The following PPP2R3A variants were observed in gnomAD, a reference collection of about 807,000 sequenced individuals.
PPP2R3A encodes the protein protein phosphatase 2 regulatory subunit B''alpha.
A neutral mutation model predicts 106.9 loss-of-function variants in PPP2R3A; 80 were observed. The observed-to-expected ratio is 0.75, with a 90% CI of 0.62 to 0.90. The LOEUF (loss-of-function observed/expected upper bound fraction) is 0.90, where lower values mean the gene tolerates loss of function less well. PPP2R3A is among the 40% of genes least tolerant of loss of function. The pLI is 0.00. For missense variants in PPP2R3A, 1,386 were observed against 1,350.4 expected (o/e 1.03, Z -0.41); for synonymous variants, 483 against 468.3 (o/e 1.03, Z -0.41).
chr3:136,073,570 A>T (rs1164152646), intron 6 of PPP2R3A, among the ~76,000 whole-genome samples: 3 of 152,258 alleles, frequency 2.0e-5, no homozygotes, highest in Admixed American at 2.0e-4. Context: ...TGATAAAATG[A>T]TGATAATATG....
intron 3 of PPP2R3A, among the ~76,000 whole-genome samples, chr3:136,032,829 C>T (rs752080334): frequency 3.9e-5 from 6 of 152,128 alleles, no homozygotes; most frequent in Admixed American, 6.5e-5. Context: ...CCACCACACC[C>T]GGCCGACTTC....
At chr3:136,088,220 C>T (rs921146384) in intron 9 of PPP2R3A, among the ~76,000 whole-genome samples, 1 of 152,144 alleles carries the variant, frequency 6.6e-6, no homozygotes, top group Non-Finnish European at 1.5e-5. Flanking sequence ...CAACACCCAA[C>T]AGGCAGTCCC....
chr3:135,997,662 C>A (rs1186896895), intron 1 of PPP2R3A, among the ~76,000 whole-genome samples: 3 of 152,178 alleles, frequency 2.0e-5, no homozygotes, highest in African/African-American at 7.2e-5. Context: ...GTGGCCACCC[C>A]CTGTAAAACA....
chr3:136,139,469 G>A (rs1198038004), intron 13 of PPP2R3A, among the ~76,000 whole-genome samples: 1 of 152,032 alleles, frequency 6.6e-6, no homozygotes, highest in African/African-American at 2.4e-5. Context: ...GCCGAGGGGG[G>A]GGATCATGAG....
chr3:136,057,189 T>C (rs1935898473), intron 5 of PPP2R3A, among the ~76,000 whole-genome samples: 1 of 151,884 alleles, frequency 6.6e-6, no homozygotes, highest in African/African-American at 2.4e-5. Context: ...TCCGGAAATA[T>C]CCAAAAGAAA....
chr3:136,047,755 T>A (rs1038079762), intron 4 of PPP2R3A, among the ~76,000 whole-genome samples: 9 of 151,534 alleles, frequency 5.9e-5, no homozygotes, highest in African/African-American at 2.2e-4. Context: ...CAAAAAAAAA[T>A]TTAGGCAGGT....
chr3:136,097,300 G>A (rs992719421), intron 10 of PPP2R3A, among the ~76,000 whole-genome samples: 1 of 152,054 alleles, frequency 6.6e-6, no homozygotes, highest in African/African-American at 2.4e-5. Context: ...TATCCATCCA[G>A]CCCCTGCTGC....
chr3:136,130,876 T>C (rs540691108), intron 13 of PPP2R3A, among the ~76,000 whole-genome samples: 5 of 152,190 alleles, frequency 3.3e-5, no homozygotes, highest in Non-Finnish European at 4.4e-5. Context: ...CATCTGATCT[T>C]TGACAAACCT....
At chr3:136,045,260 G>T (rs1935432896) in intron 4 of PPP2R3A, among the ~76,000 whole-genome samples, 2 of 152,194 alleles carry the variant, frequency 1.3e-5, no homozygotes, top group Non-Finnish European at 2.9e-5. Context: ...GGTGGCCTGG[G>T]AGCACCTTGG....
intron 13 of PPP2R3A, among the ~76,000 whole-genome samples, chr3:136,122,747 G>A (rs1215058385): frequency 6.6e-6 from 1 of 150,926 alleles, no homozygotes; most frequent in Non-Finnish European, 1.5e-5. Flanking sequence ...ATACTGTTAT[G>A]TTACAGTTAA....
At chr3:135,968,366 A>G (rs1031422190) in intron 1 of PPP2R3A, among the ~76,000 whole-genome samples, 4 of 152,200 alleles carry the variant, frequency 2.6e-5, no homozygotes, top group South Asian at 2.1e-4. Flanking sequence ...AACTGGGGAA[A>G]GTTTCCATGG....
intron 13 of PPP2R3A, among the ~76,000 whole-genome samples, chr3:136,129,021 G>C (rs577185383): frequency 5.2e-4 from 79 of 152,246 alleles, no homozygotes; most frequent in African/African-American, 1.8e-3. Flanking sequence ...TTAAAGCAGT[G>C]TATGGAGGGA....
At chr3:136,089,037 G>A (rs1364195882) in intron 9 of PPP2R3A, among the ~76,000 whole-genome samples, 2 of 152,150 alleles carry the variant, frequency 1.3e-5, no homozygotes, top group East Asian at 3.8e-4. Context: ...TAGGTAGGTA[G>A]TTAAATCTGT....
chr3:136,043,489 C>A (rs940785768), intron 4 of PPP2R3A, among the ~76,000 whole-genome samples: 1 of 152,098 alleles, frequency 6.6e-6, no homozygotes, highest in Non-Finnish European at 1.5e-5. Flanking sequence ...GAAATAATTT[C>A]TCTCATGTCA....
chr3:136,049,132 T>C (rs1013410108), intron 4 of PPP2R3A, 127 bp from the exon 5 acceptor site: 2 of 676,758 alleles, frequency 3.0e-6, no homozygotes, highest in South Asian at 1.9e-5. Context: ...CCTTTGATTA[T>C]GTAAATTCCT....
intron 5 of PPP2R3A, among the ~76,000 whole-genome samples, chr3:136,058,747 C>T (rs776986757): frequency 2.0e-5 from 3 of 152,144 alleles, no homozygotes; most frequent in Non-Finnish European, 2.9e-5. Context: ...TGCTACCCAT[C>T]TTCGAACAAT....
chr3:135,996,163 C>CA lies in PPP2R3A; in HGVS notation c.-440-4887dup, dbSNP rs375938900. ...TCCATTTAAGTGATGTTAAAATGTC[C>CA]AAAAAAAAATGTATTTTAGAATTGA... On this transcript the variant is annotated intron_variant, in intron 1 of 13. Transcript: ENST00000264977. Among the ~76,000 whole-genome samples, 169 of 149,658 alleles carry CA rather than the reference C, an allele frequency of 1.1e-3. 4 individuals are homozygous for CA. In the East Asian group the frequency reaches 0.03, roughly 26 times the overall value.
chr3:136,053,297 A>G (rs1297707541), intron 5 of PPP2R3A, among the ~76,000 whole-genome samples: 1 of 152,244 alleles, frequency 6.6e-6, no homozygotes, highest in Non-Finnish European at 1.5e-5. Flanking sequence ...AAAAGTTTAA[A>G]AAAGATTCTG....
chr3:136,002,537 C>T lies in PPP2R3A; in HGVS notation c.1039C>T (p.Arg347Ter), dbSNP rs1933672787. ...VVQLSASDSG[R>*]FQTIELQNDK... ...CCAGCTCTCAGCTTCTGACTCTGGACGATTTCAAACTATTGAATTGCAAAA... is the reference window on the plus strand; with the variant it reads ...CCAGCTCTCAGCTTCTGACTCTGGATGATTTCAAACTATTGAATTGCAAAA... The change falls in exon 2 of 14, where the codon CGA becomes TGA. Residue 347 changes from arginine to a stop codon, truncating the protein, a stop_gained. Coordinates refer to ENST00000264977, the MANE Select transcript of PPP2R3A (RefSeq NM_002718.5). LOFTEE classifies it high-confidence loss of function. 5.0e-6 allele frequency: 8 copies of T among 1,613,936 alleles called. No individual in the cohort carries two copies. The East Asian group carries it at 6.7e-5, about 13-fold the overall frequency.
Sources: gnomAD v4.1 joint callset for allele counts (sites outside exome capture counted in the v4.1 genomes callset) on GRCh38, gnomAD v4.1.1 for gene constraint, MANE v1.5 for transcripts, NCBI Gene and HGNC (gene_info 2026-07-23, HGNC 2026-07-21) for gene names.